The following LUZP2 variants were observed in gnomAD, a reference collection of about 807,000 sequenced individuals.
LUZP2 encodes leucine zipper protein 2.
In LUZP2, 52 loss-of-function variants were observed where a neutral mutation model predicts 51.6. That is an observed-to-expected ratio of 1.01 (90% CI 0.81 to 1.27). LUZP2 has a LOEUF of 1.27. LUZP2 is among the 50% of genes most tolerant of loss of function. The pLI is 0.00. For missense variants in LUZP2, 436 were observed against 395.4 expected, an observed-to-expected ratio of 1.10 and a Z score of -0.87; for synonymous variants, 154 against 137.3, an observed-to-expected ratio of 1.12 and a Z score of -0.85.
chr11:24,768,357 G>A (rs1332254836), intron 5 of LUZP2, among the ~76,000 whole-genome samples: 7 of 152,024 alleles, frequency 4.6e-5, no homozygotes, highest in African/African-American at 1.7e-4. Flanking sequence ...TGATCCACCC[G>A]CCTTGGCCTC....
At chr11:24,913,253 T>C (rs1410098785) in intron 6 of LUZP2, among the ~76,000 whole-genome samples, 2 of 152,200 alleles carry the variant, frequency 1.3e-5, no homozygotes, top group Admixed American at 1.3e-4. Context: ...GTTTTCCAAA[T>C]GGAATTGTAC....
rs35888734 is a variant in LUZP2, at chr11:24,901,400, T to TA, written c.397-4578dup. Among the ~76,000 whole-genome samples the TA allele has an allele frequency of 2.4e-3, 339 of 143,580 alleles. 3 individuals are homozygous for TA. The highest frequency in any genetic ancestry group is 7.3e-3 in the African/African-American group (281 of 38,654). The allele number at this position is 143,580 out of a possible 152,430, so 94.2% of individuals were successfully genotyped here. ...AACTTTGACCCTTACCTCACTTCAT[T>TA]AAAAAAAAAAAAAGGTAACTTGAAG... is the stretch of plus-strand genomic sequence containing the variant. On this transcript the variant is annotated intron_variant, in intron 5 of 11. Coordinates refer to ENST00000336930, the MANE Select transcript of LUZP2 (RefSeq NM_001009909.4).
At position 24,881,652 on chromosome 11, in the gene LUZP2, A is replaced by C. The variant is rs972337623; in HGVS notation, c.397-24339A>C. 3.9e-5 allele frequency among the ~76,000 whole-genome samples: 6 copies of C among 152,100 alleles called. No individual in the cohort carries two copies. In the East Asian group the frequency reaches 1.2e-3, roughly 29 times the overall value. On this transcript the variant is annotated intron_variant, in intron 5 of 11. Coordinates refer to ENST00000336930, the MANE Select transcript of LUZP2 (RefSeq NM_001009909.4). Reference sequence around the variant, plus strand: ...GGAGTAGAAGTCCAAATGTTGGATCATATAATGAAAATAACCATCAAAAAT... The same window carrying C: ...GGAGTAGAAGTCCAAATGTTGGATCCTATAATGAAAATAACCATCAAAAAT...
chr11:25,049,960 A>C lies in LUZP2; in HGVS notation c.766-78A>C, dbSNP rs937514204. The C allele has an allele frequency of 4.2e-4, 298 of 716,564 alleles. 1 individual carries two copies. The highest frequency in any genetic ancestry group is 1.8e-4 in the Admixed American group (6 of 33,378). The allele number at this position is 716,564 out of a possible 1,614,324, so 44.4% of individuals were successfully genotyped here. A position where few individuals can be genotyped will look rare whatever the true frequency, so the allele number is the denominator to read the frequency against. On this transcript the variant is annotated intron_variant, in intron 9 of 11. Transcript: ENST00000336930. ...TTATATCATGTGTTACAATAAAACG[A>C]TTTGGATCTATTTGTTCAAACTATT...
chr11:24,890,384 A>G (rs1274772301), intron 5 of LUZP2, among the ~76,000 whole-genome samples: 2 of 152,224 alleles, frequency 1.3e-5, no homozygotes, highest in Non-Finnish European at 1.5e-5. Context: ...CCTTTAAAAA[A>G]TCTAGAATAT....
At chr11:24,760,446 T>G (rs547410816) in intron 4 of LUZP2, among the ~76,000 whole-genome samples, 2 of 152,142 alleles carry the variant, frequency 1.3e-5, no homozygotes, top group Admixed American at 1.3e-4. Flanking sequence ...TTGAACTATC[T>G]ACCTAATGGA....
intron 5 of LUZP2, among the ~76,000 whole-genome samples, chr11:24,867,943 A>AT (rs2134260219): frequency 6.6e-6 from 1 of 152,256 alleles, no homozygotes; most frequent in Admixed American, 6.6e-5. Flanking sequence ...ACCTTGGATG[A>AT]TTTTTTAAAG....
chr11:24,818,556 C>T (rs1590586549), intron 5 of LUZP2, among the ~76,000 whole-genome samples: 1 of 151,878 alleles, frequency 6.6e-6, no homozygotes, highest in African/African-American at 2.4e-5. Flanking sequence ...AAATAGGAGG[C>T]TTTAAACTTT....
chr11:24,721,092 C>T lies in LUZP2; in HGVS notation c.63-8077C>T, dbSNP rs114113174. 3.9e-3 allele frequency among the ~76,000 whole-genome samples: 599 copies of T among 152,180 alleles called. 8 individuals are homozygous for T. Among genetic ancestry groups the T allele is most frequent in the African/African-American group, 0.013 (552 of 41,530 alleles). On this transcript the variant is annotated intron_variant, in intron 1 of 11. Coordinates refer to ENST00000336930, the MANE Select transcript of LUZP2 (RefSeq NM_001009909.4). Reference sequence around the variant, plus strand: ...AAGCTGAGAAAAATAACATAAACGACGTTTAATGTCACTGATAAGCCATGT... The same window carrying T: ...AAGCTGAGAAAAATAACATAAACGATGTTTAATGTCACTGATAAGCCATGT...
chr11:24,833,204 G>C (rs1376645807), intron 5 of LUZP2, among the ~76,000 whole-genome samples: 1 of 152,150 alleles, frequency 6.6e-6, no homozygotes, highest in Admixed American at 6.5e-5. Context: ...AAGACCTACT[G>C]TCTAGAATGG....
chr11:24,706,786 G>T (rs769024417), intron 1 of LUZP2, among the ~76,000 whole-genome samples: 2 of 151,958 alleles, frequency 1.3e-5, no homozygotes, highest in African/African-American at 2.4e-5. Flanking sequence ...TTCACCATTT[G>T]CTGAGTAATA....
chr11:24,874,069 C>A (rs1336498176), intron 5 of LUZP2, among the ~76,000 whole-genome samples: 1 of 152,118 alleles, frequency 6.6e-6, no homozygotes, highest in African/African-American at 2.4e-5. Flanking sequence ...TAATTAATTT[C>A]TCTCCATTTA....
At position 24,601,401 on chromosome 11, in the gene LUZP2, T is replaced by A. The variant is rs188284911; in HGVS notation, c.62+104096T>A. On this transcript the variant is annotated intron_variant, in intron 1 of 11. Transcript: ENST00000336930. ...CCACTAAATTGGTGGAGTTAACAAT[T>A]TTTTTAGGCAGAATTAGAAAACTAA... 6.6e-5 allele frequency among the ~76,000 whole-genome samples: 10 copies of A among 152,060 alleles called. No homozygotes were observed. The East Asian group carries it at 1.9e-3, about 29-fold the overall frequency.
intron 1 of LUZP2, among the ~76,000 whole-genome samples, chr11:24,543,871 C>T (rs925445036): frequency 4.9e-5 from 7 of 143,020 alleles, no homozygotes; most frequent in African/African-American, 1.8e-4. Context: ...TGCAATATTT[C>T]CGGGTAGCTA....
chr11:24,685,071 T>C (rs115922118), intron 1 of LUZP2, among the ~76,000 whole-genome samples: 181 of 151,538 alleles, frequency 1.2e-3, no homozygotes, highest in African/African-American at 4.2e-3. Flanking sequence ...TTTCCATATC[T>C]ATCCAAGTTT....
At chr11:24,959,688 T>A (rs932296463) in intron 7 of LUZP2, among the ~76,000 whole-genome samples, 1 of 152,132 alleles carries the variant, frequency 6.6e-6, no homozygotes, top group Non-Finnish European at 1.5e-5. Flanking sequence ...ACAATCATGT[T>A]GACTGCAAAC....
At chr11:24,879,728 G>A (rs1362669240) in intron 5 of LUZP2, among the ~76,000 whole-genome samples, 1 of 152,162 alleles carries the variant, frequency 6.6e-6, no homozygotes, top group East Asian at 1.9e-4. Flanking sequence ...CTTTTGAGAA[G>A]TGTCTGTTCA....
chr11:24,790,788 C>A (rs1849384084), intron 5 of LUZP2, among the ~76,000 whole-genome samples: 2 of 152,204 alleles, frequency 1.3e-5, no homozygotes, highest in Non-Finnish European at 2.9e-5. Flanking sequence ...AGACGTGAGC[C>A]ATCACACACA....
At chr11:25,013,744 AT>A (rs1857048388) in intron 9 of LUZP2, among the ~76,000 whole-genome samples, 1 of 151,306 alleles carries the variant, frequency 6.6e-6, no homozygotes. Context: ...GTATTTATTT[AT>A]TTATTATTCT....
Sources: gnomAD v4.1 joint callset for allele counts (sites outside exome capture counted in the v4.1 genomes callset) on GRCh38, gnomAD v4.1.1 for gene constraint, MANE v1.5 for transcripts, NCBI Gene and HGNC (gene_info 2026-07-23, HGNC 2026-07-21) for gene names.